Variants in GNPDA1 observed in about 807,000 individuals in gnomAD.
GNPDA1 encodes the protein GNPDA 1.
GNPDA1 carries 24 observed loss-of-function variants against 28.5 expected under a neutral mutation model. The ratio of observed to expected loss-of-function variants is 0.84; its 90% CI spans 0.61 to 1.19. The LOEUF (loss-of-function observed/expected upper bound fraction) is 1.19, where lower values mean the gene tolerates loss of function less well. Ranked by LOEUF, GNPDA1 falls within the 50% of genes most tolerant of loss-of-function variation. The pLI is 0.00. For synonymous variants in GNPDA1, 147 were observed against 139.3 expected, an observed-to-expected ratio of 1.06 and a Z score of -0.39; for missense variants, 264 against 367.3, an observed-to-expected ratio of 0.72 and a Z score of 2.30.
In GNPDA1 at chr5:142,011,968, C is replaced by T. The variant is rs1054193183; in HGVS notation, c.68G>A (p.Arg23His). Residue 23 changes from arginine to histidine, a missense_variant, in exon 2 of 7, where the codon CGC becomes CAC. Physicochemically the swap from Arg to His is conservative, Grantham distance 29 (BLOSUM62 0). Transcript: ENST00000311337. ...TGGCCCTGGGTTAAACTGGATGATG[C>T]GGTTCCTGATGTATTTAGCCGCCCA... ...SEWAAKYIRN[R>H]IIQFNPGPEK... 1.9e-6 allele frequency: 3 copies of T among 1,613,446 alleles called. No homozygotes were observed. Among genetic ancestry groups the T allele is most frequent in the African/African-American group, 2.7e-5 (2 of 74,872 alleles).
At position 142,004,960 on chromosome 5, in the gene GNPDA1, C is replaced by A. The variant is rs146216672; in HGVS notation, c.566G>T (p.Gly189Val). 7.2e-5 allele frequency: 116 copies of A among 1,609,022 alleles called. No individual in the cohort carries two copies. Among genetic ancestry groups the A allele is most frequent in the Non-Finnish European group, 1.1e-5 (13 of 1,175,962 alleles). ...TKVPTMALTV[G>V]VGTVMDAREV... ...TCTAGCATCCATGACAGTGCCCACC[C>A]CCACCGTCAAGGCCATGGTGGGCAC... The change falls in exon 5 of 7, where the codon GGG becomes GTG. Residue 189 changes from glycine (G) to valine (V), a missense_variant. Gly to Val is a moderately radical substitution (Grantham distance 109). Coordinates refer to ENST00000311337, the MANE Select transcript of GNPDA1 (RefSeq NM_005471.5).
chr5:142,004,574 G>A (rs1457154818), intron 5 of GNPDA1, among the ~76,000 whole-genome samples: 1 of 152,180 alleles, frequency 6.6e-6, no homozygotes, highest in Admixed American at 6.5e-5. Flanking sequence ...CCAACTACAA[G>A]GAACAAGGGA....
In GNPDA1 at chr5:142,007,865, CA is replaced by C. The variant is rs1226625410; in HGVS notation, c.159del (p.Ile53MetfsTer14). 2 of 1,612,828 alleles carry C rather than the reference CA, an allele frequency of 1.2e-6. No homozygotes were observed. The highest frequency in any genetic ancestry group is 1.7e-5 in the Admixed American group (1 of 60,018). ...GACAGGTCCCCATTCTTATAGTATT[CA>C]ATCAGCTTCTTGTAGCAGCCAAGTG... The part of the protein sequence containing the change: ...STPLGCYKKL[I>X]EYYKNGDLSF... On this transcript the variant is annotated frameshift_variant, in exon 3 of 7. Coordinates refer to ENST00000311337, the MANE Select transcript of GNPDA1 (RefSeq NM_005471.5). LOFTEE classifies it high-confidence loss of function.
At chr5:142,009,849 G>A (rs956894367) in intron 2 of GNPDA1, among the ~76,000 whole-genome samples, 2 of 152,190 alleles carry the variant, frequency 1.3e-5, no homozygotes, top group African/African-American at 2.4e-5. Flanking sequence ...CAAGGAACCC[G>A]TGTGGAAACG....
rs563669042 is a variant in GNPDA1, at chr5:142,007,256, T to A, written c.226+543A>T. On this transcript the variant is annotated intron_variant, in intron 3 of 6. Coordinates refer to ENST00000311337, the MANE Select transcript of GNPDA1 (RefSeq NM_005471.5). Reference sequence around the variant, plus strand: ...ATGTATTTTACCACAATTTTTTTTTTAAAAAAAGGATGTTTAAAATGAAGC... The same window carrying A: ...ATGTATTTTACCACAATTTTTTTTTAAAAAAAAGGATGTTTAAAATGAAGC... 6.3e-3 allele frequency among the ~76,000 whole-genome samples: 954 copies of A among 152,076 alleles called. 12 individuals carry two copies. The highest frequency in any genetic ancestry group is 0.022 in the African/African-American group (920 of 41,492).
chr5:142,010,511 C>CTTTTT (rs749705822), intron 2 of GNPDA1, among the ~76,000 whole-genome samples: 2 of 46,828 alleles, frequency 4.3e-5, no homozygotes, highest in African/African-American at 1.0e-4. Context: ...TCTTTTCTTT[C>CTTTTT]TTTTTTTTTT....
At position 142,002,088 on chromosome 5, in the gene GNPDA1, T is replaced by C; in HGVS notation, c.811A>G (p.Ser271Gly). 1 of 1,604,850 alleles carries C rather than the reference T, an allele frequency of 6.2e-7. No homozygotes were observed. Among genetic ancestry groups the C allele is most frequent in the Non-Finnish European group, 8.5e-7 (1 of 1,171,818 alleles). The change falls in exon 7 of 7, where the codon AGT becomes GGT. Residue 271 changes from serine (S) to glycine (G), a missense_variant. Transcript: ENST00000311337. ...TTCTCAGTTTCTTTCTCTTTGATAC[T>C]GTACAAGGGGTCCACCAACTTGTTA... ...VHNKLVDPLY[S>G]IKEKETEKSQ... is the part of the protein sequence containing the mutation.
At chr5:142,005,916 C>T in intron 4 of GNPDA1, 1 of 446,870 alleles carries the variant, frequency 2.2e-6, no homozygotes, top group Non-Finnish European at 4.1e-6. Context: ...ATCTCAGAGT[C>T]CAAACCCAAA....
At chr5:142,002,182 C>A in intron 6 of GNPDA1, 53 bp from the exon 7 acceptor site, 1 of 906,100 alleles carries the variant, frequency 1.1e-6, no homozygotes, top group East Asian at 2.5e-5. Flanking sequence ...GCAAGAGTTC[C>A]TTGATTATCA....
intron 2 of GNPDA1, among the ~76,000 whole-genome samples, chr5:142,010,630 T>C (rs1378542627): frequency 6.6e-6 from 1 of 150,678 alleles, no homozygotes; most frequent in Non-Finnish European, 1.5e-5. Flanking sequence ...CCTCACACCG[T>C]AGCCTCCTCA....
At position 142,001,465 on chromosome 5, in the gene GNPDA1, T is replaced by A. The variant is rs1256158687; in HGVS notation, c.*564A>T. 1 of 151,862 alleles carries A rather than the reference T, an allele frequency of 6.6e-6. No individual in the cohort carries two copies. The highest frequency in any genetic ancestry group is 1.5e-5 in the Non-Finnish European group (1 of 67,922). 9.4% of individuals were successfully genotyped at this position (151,862 alleles called of 1,614,324 possible). A position where few individuals can be genotyped will look rare whatever the true frequency, so the allele number is the denominator to read the frequency against. On this transcript the variant is annotated 3_prime_UTR_variant, in exon 7 of 7. Coordinates refer to ENST00000311337, the MANE Select transcript of GNPDA1 (RefSeq NM_005471.5). ...AGGTTCTCCTAGTTCAGAGAAAAGC[T>A]GTGAAAGTGGAAGAAGGAAGGGATC... is the stretch of plus-strand genomic sequence containing the variant.
Position 142,001,000 on chromosome 5 carries a change from C to T in GNPDA1, c.*1029G>A, listed in dbSNP as rs1755663240. ...GGCAAAAGGGTTGTATTTCCTGATG[C>T]TCTCAGAACATCAGACCACACCATG... is the stretch of plus-strand genomic sequence containing the variant. On this transcript the variant is annotated 3_prime_UTR_variant, in exon 7 of 7. Transcript: ENST00000311337. 6.6e-6 allele frequency: 1 copy of T among 152,410 alleles called. No individual in the cohort carries two copies. The highest frequency in any genetic ancestry group is 1.5e-5 in the Non-Finnish European group (1 of 68,066). The allele number at this position is 152,410 out of a possible 1,614,324, so 9.4% of individuals were successfully genotyped here. A position where few individuals can be genotyped will look rare whatever the true frequency, so the allele number is the denominator to read the frequency against.
rs533884715 is a variant in GNPDA1, at chr5:142,003,617, G to A, written c.595-355C>T. ...CCAGGCCTGCTATCCCATCAGCTGG[G>A]TGACTCTACACAAGCACAGTTTGTG... On this transcript the variant is annotated intron_variant, in intron 5 of 6. Coordinates refer to ENST00000311337, the MANE Select transcript of GNPDA1 (RefSeq NM_005471.5). The surrounding 1 kb of genome is among the most constrained non-coding windows in gnomAD (Gnocchi z 4.0). 2.0e-5 allele frequency among the ~76,000 whole-genome samples: 3 copies of A among 152,140 alleles called. No homozygotes were observed. Among genetic ancestry groups the A allele is most frequent in the South Asian group, 2.1e-4 (1 of 4,824 alleles).
intron 3 of GNPDA1, among the ~76,000 whole-genome samples, chr5:142,007,181 C>T (rs1372371188): frequency 1.3e-5 from 2 of 152,094 alleles, no homozygotes; most frequent in East Asian, 3.8e-4. Context: ...GCACTTAACA[C>T]TACTGAACTA....
chr5:142,010,299 T>C (rs923491451), intron 2 of GNPDA1, among the ~76,000 whole-genome samples: 8 of 152,224 alleles, frequency 5.3e-5, no homozygotes, highest in African/African-American at 1.9e-4. Flanking sequence ...GCTGGGATTA[T>C]AGGTGCCCGC....
intron 4 of GNPDA1, 27 bp downstream of exon 4, chr5:142,006,117 A>T: frequency 6.3e-7 from 1 of 1,588,204 alleles, no homozygotes; most frequent in Non-Finnish European, 8.6e-7. Flanking sequence ...GGCCCTGGAC[A>T]TGTGTGCTGC....
chr5:142,009,295 C>G (rs984011519), intron 2 of GNPDA1, among the ~76,000 whole-genome samples: 1 of 152,066 alleles, frequency 6.6e-6, no homozygotes, highest in African/African-American at 2.4e-5. Context: ...CTCAGCAACA[C>G]CAGTTATTCT....
chr5:142,005,619 C>G (rs1755783735), intron 4 of GNPDA1, among the ~76,000 whole-genome samples: 1 of 152,150 alleles, frequency 6.6e-6, no homozygotes, highest in African/African-American at 2.4e-5. Flanking sequence ...AGAGTGATCT[C>G]TAGAGCAATA....
intron 6 of GNPDA1, among the ~76,000 whole-genome samples, 155 bp downstream of exon 6, chr5:142,002,933 G>GTTTT (rs1323342601): frequency 3.9e-5 from 6 of 152,180 alleles, no homozygotes; most frequent in African/African-American, 1.4e-4. Flanking sequence ...ACAGGCAGAA[G>GTTTT]AGAAATGACT....
Sources: allele counts gnomAD v4.1 joint callset (sites outside exome capture counted in the v4.1 genomes callset), GRCh38; gene constraint gnomAD v4.1.1; non-coding constraint Gnocchi (gnomAD v3.1); transcripts MANE v1.5; gene names NCBI Gene and HGNC (gene_info 2026-07-23, HGNC 2026-07-21).